The following GHR variants were observed in gnomAD, a reference collection of about 807,000 sequenced individuals.
The protein encoded by GHR is growth hormone receptor, also known as GH receptor.
In GHR, 35 loss-of-function variants were observed where a neutral mutation model predicts 67.1. That is an observed-to-expected ratio of 0.52 (90% CI 0.40 to 0.69). The LOEUF (loss-of-function observed/expected upper bound fraction) is 0.69, where lower values mean the gene tolerates loss of function less well. Among genes scored for constraint, GHR ranks in the 30% least tolerant of loss-of-function variants. GHR has a pLI of 0.00. For missense variants in GHR, 792 were observed against 764.6 expected, an observed-to-expected ratio of 1.04 and a Z score of -0.42; for synonymous variants, 272 against 269.1, an observed-to-expected ratio of 1.01 and a Z score of -0.10.
chr5:42,692,875 A>G (rs1412248854), intron 4 of GHR, among the ~76,000 whole-genome samples: 3 of 152,162 alleles, frequency 2.0e-5, no homozygotes, highest in South Asian at 2.1e-4. Flanking sequence ...TATCCCTTCT[A>G]TTATGTGAAA....
At chr5:42,462,223 T>G (rs1220710761) in intron 1 of GHR, among the ~76,000 whole-genome samples, 2 of 152,238 alleles carry the variant, frequency 1.3e-5, no homozygotes, top group African/African-American at 2.4e-5. Context: ...GGTTTTCTCT[T>G]GTCCATCTGA....
At chr5:42,576,099 T>TAAATA (rs1554021413) in intron 2 of GHR, among the ~76,000 whole-genome samples, 1,921 of 68,642 alleles carry the variant, frequency 0.028, 68 homozygotes, top group Middle Eastern at 0.042. Flanking sequence ...TAAAATAAAA[T>TAAATA]AAATAAAATA....
intron 2 of GHR, among the ~76,000 whole-genome samples, chr5:42,571,115 T>G (rs1750282688): frequency 6.6e-6 from 1 of 152,220 alleles, no homozygotes; most frequent in Non-Finnish European, 1.5e-5. Flanking sequence ...ATGACTCACG[T>G]TTAATGCAGT....
chr5:42,562,549 G>A (rs1479447665), intron 1 of GHR, among the ~76,000 whole-genome samples: 2 of 151,376 alleles, frequency 1.3e-5, no homozygotes, highest in Non-Finnish European at 2.9e-5. Context: ...CAGATTTCTG[G>A]TTAATTTTGT....
intron 1 of GHR, among the ~76,000 whole-genome samples, chr5:42,502,402 T>G: frequency 6.6e-6 from 1 of 152,184 alleles, no homozygotes; most frequent in Non-Finnish European, 1.5e-5. Flanking sequence ...ATGTGCCTTC[T>G]GCTTTAGGAT....
intron 1 of GHR, among the ~76,000 whole-genome samples, chr5:42,452,128 C>A (rs1050322148): frequency 4.6e-5 from 7 of 152,142 alleles, no homozygotes; most frequent in African/African-American, 1.4e-4. Context: ...ATTTGTTAGT[C>A]TGAAAAAGAC....
chr5:42,475,498 T>C (rs933439472), intron 1 of GHR, among the ~76,000 whole-genome samples: 2 of 152,170 alleles, frequency 1.3e-5, no homozygotes, highest in African/African-American at 4.8e-5. Flanking sequence ...ATCATTGTCT[T>C]CTTCCAATTC....
chr5:42,679,807 A>G (rs772131139), intron 3 of GHR, among the ~76,000 whole-genome samples: 2 of 152,152 alleles, frequency 1.3e-5, no homozygotes, highest in Non-Finnish European at 2.9e-5. Flanking sequence ...CACTTTTTAT[A>G]TTACATATAA....
intron 1 of GHR, among the ~76,000 whole-genome samples, chr5:42,505,577 C>T (rs1031482275): frequency 2.0e-5 from 3 of 152,036 alleles, no homozygotes; most frequent in South Asian, 2.1e-4. Context: ...GAGACATTAG[C>T]TCAGTGGAAA....
At chr5:42,563,513 G>C (rs1298660895) in intron 1 of GHR, among the ~76,000 whole-genome samples, 1 of 151,706 alleles carries the variant, frequency 6.6e-6, no homozygotes, top group East Asian at 1.9e-4. Flanking sequence ...AGCTACTCGG[G>C]AGGCTGAGGC....
intron 2 of GHR, among the ~76,000 whole-genome samples, chr5:42,624,147 T>A (rs1031011231): frequency 3.3e-5 from 5 of 152,224 alleles, no homozygotes; most frequent in Non-Finnish European, 7.3e-5. Flanking sequence ...CTAAGACTTT[T>A]TGCTTTGTGA....
At chr5:42,598,978 C>A (rs936309887) in intron 2 of GHR, among the ~76,000 whole-genome samples, 2 of 152,180 alleles carry the variant, frequency 1.3e-5, no homozygotes, top group Non-Finnish European at 1.5e-5. Flanking sequence ...TAGGCTGGAG[C>A]TTCTCAGTAG....
At chr5:42,650,578 C>CATATAT (rs35408817) in intron 3 of GHR, among the ~76,000 whole-genome samples, 14,177 of 128,792 alleles carry the variant, frequency 0.11, 1,025 homozygotes, top group African/African-American at 0.16. Context: ...TTACAGATAA[C>CATATAT]ATATATATAT....
intron 1 of GHR, among the ~76,000 whole-genome samples, chr5:42,528,001 A>C (rs1278830536): frequency 6.6e-6 from 1 of 152,210 alleles, no homozygotes; most frequent in East Asian, 1.9e-4. Flanking sequence ...CTGCACAGAA[A>C]AAAAAGATTT....
chr5:42,430,220 C>T (rs1268106941), intron 1 of GHR, among the ~76,000 whole-genome samples: 1 of 152,176 alleles, frequency 6.6e-6, no homozygotes, highest in East Asian at 1.9e-4. Context: ...GAGGAGAGGC[C>T]TGAAGTGTGC....
In GHR at chr5:42,718,656, C is replaced by T. The variant is rs1328183200; in HGVS notation, c.1149C>T (p.Asp383=). 5 of 1,614,150 alleles carry T rather than the reference C, an allele frequency of 3.1e-6. No homozygotes were observed. Among genetic ancestry groups the T allele is most frequent in the Non-Finnish European group, 4.2e-6 (5 of 1,180,018 alleles). Residue 383 remains aspartate (D), a synonymous_variant, in exon 10 of 10, where the codon GAC becomes GAT. Coordinates refer to ENST00000230882, the MANE Select transcript of GHR (RefSeq NM_000163.5). ...GTAACCTAGGGGTGAAGGATGGCGA[C>T]TCTGGACGTACCAGCTGTTGTGAAC... ...SHSNLGVKDG[D]SGRTSCCEPD...
chr5:42,603,815 C>T (rs752876055), intron 2 of GHR, among the ~76,000 whole-genome samples: 7 of 152,094 alleles, frequency 4.6e-5, no homozygotes, highest in African/African-American at 7.2e-5. Context: ...AATTCAATTC[C>T]AACACTTCTA....
chr5:42,710,758 T>C (rs1387575272), intron 6 of GHR, among the ~76,000 whole-genome samples: 1 of 152,190 alleles, frequency 6.6e-6, no homozygotes, highest in Non-Finnish European at 1.5e-5. Flanking sequence ...ACCCGGAATT[T>C]CCATCAAACA....
chr5:42,664,303 A>C (rs1755831924), intron 3 of GHR, among the ~76,000 whole-genome samples: 1 of 152,236 alleles, frequency 6.6e-6, no homozygotes, highest in Admixed American at 6.5e-5. Flanking sequence ...CTAAGCCAAA[A>C]GAGCAAAGCT....
Sources: allele counts gnomAD v4.1 joint callset (sites outside exome capture counted in the v4.1 genomes callset), GRCh38; gene constraint gnomAD v4.1.1; transcripts MANE v1.5; gene names NCBI Gene and HGNC (gene_info 2026-07-23, HGNC 2026-07-21).